Variants in MUC4 observed in about 807,000 individuals in gnomAD.
MUC4 encodes mucin-4.
A neutral mutation model predicts 257.9 loss-of-function variants in MUC4; 202 were observed. That is an observed-to-expected ratio of 0.78 (90% CI 0.70 to 0.88). MUC4 has a LOEUF of 0.88. Among genes scored for constraint, MUC4 ranks in the 40% least tolerant of loss-of-function variants. The pLI is 0.00. For synonymous variants in MUC4, 2,351 were observed against 2,757.1 expected (o/e 0.85, Z 4.62); for missense variants, 5,976 against 6,513.7 (o/e 0.92, Z 2.84).
intron 8 of MUC4, 54 bp downstream of exon 8, chr3:195,766,609 G>C: frequency 2.6e-6 from 4 of 1,515,340 alleles, no homozygotes; most frequent in Middle Eastern, 1.7e-4. Context: ...GTATGGGCTG[G>C]AGGACACGCG....
chr3:195,767,624 C>T (rs1284843963), intron 7 of MUC4, among the ~76,000 whole-genome samples: 70 of 94,314 alleles, frequency 7.4e-4, no homozygotes, highest in Middle Eastern at 5.9e-3. Flanking sequence ...ACCACCATCA[C>T]CACCATCACC....
chr3:195,794,394 GAA>G (rs962387537), intron 1 of MUC4, among the ~76,000 whole-genome samples: 1 of 148,108 alleles, frequency 6.8e-6, no homozygotes, highest in Non-Finnish European at 1.5e-5. Flanking sequence ...AGAGAGAGAA[GAA>G]AGAGAGAGAG....
At chr3:195,761,725 C>T (rs1422665577) in intron 14 of MUC4, 140 bp from the exon 15 acceptor site, 3 of 671,412 alleles carry the variant, frequency 4.5e-6, no homozygotes, top group Admixed American at 2.8e-5. Context: ...CCAGGGGAGC[C>T]GGGAGGACGG....
intron 17 of MUC4, among the ~76,000 whole-genome samples, chr3:195,758,040 A>G (rs2688524): frequency 0.84 from 127,696 of 152,142 alleles, 54,289 homozygotes; most frequent in African/African-American, 0.97. Context: ...TCTGAGACAC[A>G]GAGAGAAAGA....
In MUC4 at chr3:195,791,402, C is replaced by A; in HGVS notation, c.178G>T (p.Ala60Ser). The A allele has an allele frequency of 1.2e-6, 2 of 1,613,932 alleles. No homozygotes were observed. The highest frequency in any genetic ancestry group is 1.7e-6 in the Non-Finnish European group (2 of 1,179,886). The change falls in exon 2 of 25, where the codon GCA (alanine) becomes TCA (serine). Residue 60 changes from alanine to serine, a missense_variant. Physicochemically the swap from Ala to Ser is moderately conservative, Grantham distance 99 (BLOSUM62 1). Around this residue, in one of 44 missense-constraint regions of MUC4, gnomAD observed 1,583 missense variants for 1,257.4 expected, o/e 1.26. Transcript: ENST00000463781. ...TTATLEGQST[A>S]ASSRTSNQDI... is the part of the protein sequence containing the mutation. The stretch of plus-strand genomic sequence containing the variant: ...TGATTAGAGGTCCTTGAAGAAGCTG[C>A]AGTTGATTGTCCCTCTAGTGTCGCT...
At position 195,765,001 on chromosome 3, in the gene MUC4, C is replaced by T; in HGVS notation, c.13920G>A (p.Gln4640=). 1.2e-6 allele frequency: 2 copies of T among 1,613,716 alleles called. No homozygotes were observed. Among genetic ancestry groups the T allele is most frequent in the East Asian group, 2.2e-5 (1 of 44,878 alleles). The change falls in exon 10 of 25, where the codon CAG becomes CAA. Residue 4640 remains glutamine (Q), a synonymous_variant. Transcript: ENST00000463781. ...TGAGATCACGGACTCACGCACCCAACTGCCAAGGACGCTGCACGTGCCAGC... is the reference window on the plus strand; with the variant it reads ...TGAGATCACGGACTCACGCACCCAATTGCCAAGGACGCTGCACGTGCCAGC... ...REGWHVQRPW[Q]LAQELEPQSW... is the part of the protein sequence containing the mutation.
chr3:195,778,488 C>T, intron 2 of MUC4, 33 bp from the exon 3 acceptor site: 1 of 1,604,058 alleles, frequency 6.2e-7, no homozygotes, highest in Non-Finnish European at 8.5e-7. Context: ...CGGGGTGTTT[C>T]TTACAGTAAC....
At chr3:195,751,628 CG>C (rs1207403846) in intron 21 of MUC4, 1 of 282,238 alleles carries the variant, frequency 3.5e-6, no homozygotes, top group African/African-American at 2.2e-5. Context: ...AGGAGATGGT[CG>C]GGGCTGGGGG....
intron 12 of MUC4, among the ~76,000 whole-genome samples, 194 bp downstream of exon 12, chr3:195,763,239 G>T (rs2148811631): frequency 6.6e-6 from 1 of 152,370 alleles, no homozygotes; most frequent in South Asian, 2.1e-4. Context: ...CAAGCAGCTG[G>T]GAAACCGTGG....
intron 4 of MUC4, among the ~76,000 whole-genome samples, chr3:195,772,522 C>T (rs1372450886): frequency 1.6e-5 from 2 of 123,836 alleles, no homozygotes; most frequent in African/African-American, 7.4e-5. Flanking sequence ...GGTGTAGACA[C>T]CCTCCCTTCA....
chr3:195,751,180 G>T (rs1432836569), intron 22 of MUC4, 27 bp downstream of exon 22: 4 of 1,564,456 alleles, frequency 2.6e-6, no homozygotes, highest in Non-Finnish European at 3.5e-6. Flanking sequence ...GAGATCTGGG[G>T]GCTTAGGGGG....
At chr3:195,766,560 C>T (rs1720538122) in intron 8 of MUC4, 103 bp downstream of exon 8, 15 of 1,024,956 alleles carry the variant, frequency 1.5e-5, no homozygotes, top group African/African-American at 3.1e-5. Flanking sequence ...TTCAGGATGG[C>T]CGTGATGTTA....
chr3:195,799,920 G>A (rs1467208210), intron 1 of MUC4, among the ~76,000 whole-genome samples: 1 of 152,116 alleles, frequency 6.6e-6, no homozygotes, highest in Non-Finnish European at 1.5e-5. Context: ...CCTAGCCTGT[G>A]AACAAAGGGG....
chr3:195,775,410 C>CTTCCACAGT (rs1724212932), intron 3 of MUC4, among the ~76,000 whole-genome samples: 1 of 105,264 alleles, frequency 9.5e-6, no homozygotes, highest in Non-Finnish European at 2.1e-5. Flanking sequence ...CCTTCCACAC[C>CTTCCACAGT]CATACCTTCC....
intron 21 of MUC4, 100 bp downstream of exon 21, chr3:195,752,273 C>T (rs1716593061): frequency 1.7e-6 from 2 of 1,152,692 alleles, no homozygotes; most frequent in Admixed American, 1.7e-5. Flanking sequence ...CAGTTGAATC[C>T]AGATGGATGA....
At chr3:195,749,367 A>G (rs1560213492) in intron 23 of MUC4, among the ~76,000 whole-genome samples, 1 of 152,232 alleles carries the variant, frequency 6.6e-6, no homozygotes, top group African/African-American at 2.4e-5. Context: ...CCTATGGAAA[A>G]TGCTTTCCTG....
chr3:195,766,828 C>G (rs1228198880), intron 7 of MUC4, 77 bp from the exon 8 acceptor site: 1 of 1,339,442 alleles, frequency 7.5e-7, no homozygotes, highest in Non-Finnish European at 1.1e-6. Context: ...TCCATTCATC[C>G]CGCTAGCCGG....
chr3:195,793,701 A>G (rs1324774176), intron 1 of MUC4, among the ~76,000 whole-genome samples: 1 of 152,134 alleles, frequency 6.6e-6, no homozygotes, highest in Non-Finnish European at 1.5e-5. Flanking sequence ...ATGGTGAATT[A>G]ACTGTGTTAA....
chr3:195,778,808 G>A lies in MUC4; in HGVS notation c.12772C>T (p.Leu4258=). ...CAGCTACCTGGTGTTTCCATCTTCAGAGGGGAGTCCGAGGATACTGTGGAA... is the reference window on the plus strand; with the variant it reads ...CAGCTACCTGGTGTTTCCATCTTCAAAGGGGAGTCCGAGGATACTGTGGAA... ...SASTVSSDSP[L]KMETPGMTTP... The change falls in exon 2 of 25, where the codon CTG becomes TTG. Residue 4258 remains leucine, a synonymous_variant. Transcript: ENST00000463781. 3 of 1,611,668 alleles carry A rather than the reference G, an allele frequency of 1.9e-6. No homozygotes were observed. Among genetic ancestry groups the A allele is most frequent in the Non-Finnish European group, 2.5e-6 (3 of 1,179,158 alleles).
Sources: allele counts gnomAD v4.1 joint callset (sites outside exome capture counted in the v4.1 genomes callset), GRCh38; gene constraint gnomAD v4.1.1; regional missense constraint gnomAD v4.1.1; transcripts MANE v1.5; gene names NCBI Gene and HGNC (gene_info 2026-07-23, HGNC 2026-07-21).